SNRNP48: variants seen among roughly 807,000 people sequenced by gnomAD.
The protein encoded by SNRNP48 is small nuclear ribonucleoprotein U11/U12 subunit 48, also known as U11/U12 small nuclear ribonucleoprotein 48 kDa protein.
SNRNP48 carries 43 observed loss-of-function variants against 47.0 expected under a neutral mutation model. The ratio of observed to expected loss-of-function variants is 0.92; its 90% CI spans 0.72 to 1.18. SNRNP48 has a LOEUF of 1.18. Ranked by LOEUF, SNRNP48 falls within the 50% of genes most tolerant of loss-of-function variation. The pLI is 0.00. For synonymous variants in SNRNP48, 138 were observed against 144.0 expected (o/e 0.96, Z 0.30); for missense variants, 396 against 422.2 (o/e 0.94, Z 0.54).
chr6:7,608,864 A>G lies in SNRNP48; in HGVS notation c.1011A>G (p.Gln337=). Residue 337 remains glutamine, a synonymous_variant, in exon 9 of 9, where the codon CAA becomes CAG. Coordinates refer to ENST00000342415, the MANE Select transcript of SNRNP48 (RefSeq NM_152551.4). ...ACCATAGTCATAAAAGAAGAAAGCA[A>G]AAAATATAAATGAAGTACTTGTACC... is the stretch of plus-strand genomic sequence containing the variant. ...ERHHSHKRRK[Q]KI The G allele has an allele frequency of 2.0e-6, 3 of 1,509,412 alleles. No individual in the cohort carries two copies. The highest frequency in any genetic ancestry group is 2.7e-6 in the Non-Finnish European group (3 of 1,104,556). 93.5% of individuals were successfully genotyped at this position (1,509,412 alleles called of 1,614,324 possible).
rs2113720285 is a variant in SNRNP48 at position 7,601,534 on chromosome 6, G to T, written c.595+10G>T. 6.5e-7 allele frequency: 1 copy of T among 1,548,014 alleles called. No homozygotes were observed. The highest frequency in any genetic ancestry group is 2.3e-5 in the East Asian group (1 of 42,844). On this transcript the variant is annotated intron_variant, in intron 5 of 8. Transcript: ENST00000342415. ...GCCAAAATCAATCAAGGTTTGAGAT[G>T]CACATCATGGCTTTACATTTCTTCA...
chr6:7,606,196 G>C lies in SNRNP48; in HGVS notation c.971+1G>C. On this transcript the variant is annotated splice_donor_variant, in intron 8 of 8. Transcript: ENST00000342415. LOFTEE classifies it high-confidence loss of function. The stretch of plus-strand genomic sequence containing the variant: ...GTGAGTCGAGAAGAAGGAAAGAGAG[G>C]TGGGTCTAACCCTGCATCATCCAAC... 6.2e-7 allele frequency: 1 copy of C among 1,607,562 alleles called. No individual in the cohort carries two copies. The highest frequency in any genetic ancestry group is 8.5e-7 in the Non-Finnish European group (1 of 1,177,610).
At chr6:7,590,849 G>C (rs983871082) in intron 1 of SNRNP48, among the ~76,000 whole-genome samples, 4 of 152,148 alleles carry the variant, frequency 2.6e-5, no homozygotes, top group African/African-American at 7.2e-5. Context: ...GTGGTGGTGT[G>C]AGCCTGTGGC....
chr6:7,605,514 TACTC>T, intron 7 of SNRNP48, 28 bp downstream of exon 7: 8 of 1,582,142 alleles, frequency 5.1e-6, no homozygotes, highest in Non-Finnish European at 6.9e-6. Context: ...TTGGTGAAAA[TACTC>T]TCTCTTTGAT....
intron 4 of SNRNP48, among the ~76,000 whole-genome samples, chr6:7,596,476 T>G (rs1042011689): frequency 6.6e-6 from 1 of 152,196 alleles, no homozygotes; most frequent in African/African-American, 2.4e-5. Flanking sequence ...CAGGCTGTAG[T>G]CATGGTTGGT....
intron 4 of SNRNP48, among the ~76,000 whole-genome samples, chr6:7,598,115 C>T (rs909007109): frequency 3.3e-5 from 5 of 151,630 alleles, no homozygotes; most frequent in African/African-American, 9.7e-5. Flanking sequence ...GATCTGCCCA[C>T]CTTGGCCTCC....
At chr6:7,591,118 A>AT (rs1187961030) in intron 1 of SNRNP48, among the ~76,000 whole-genome samples, 1 of 152,164 alleles carries the variant, frequency 6.6e-6, no homozygotes, top group African/African-American at 2.4e-5. Context: ...TGTCATACGG[A>AT]TTCCGCAGTT....
rs1247843808 is a variant in SNRNP48, at chr6:7,611,660, GA to G, written c.*2789del. On this transcript the variant is annotated 3_prime_UTR_variant, in exon 9 of 9. Transcript: ENST00000342415. ...AGTGAAAATATCTTAAATGCATTGA[GA>G]ATATTTTCTAATTACCTGTGTATGC... 6.6e-6 allele frequency: 1 copy of G among 152,152 alleles called. No homozygotes were observed. The highest frequency in any genetic ancestry group is 2.4e-5 in the African/African-American group (1 of 41,422). 9.4% of individuals were successfully genotyped at this position (152,152 alleles called of 1,614,324 possible). A position where few individuals can be genotyped will look rare whatever the true frequency, so the allele number is the denominator to read the frequency against.
intron 5 of SNRNP48, among the ~76,000 whole-genome samples, 175 bp downstream of exon 5, chr6:7,601,699 A>AC (rs1174634439): frequency 6.6e-6 from 1 of 152,138 alleles, no homozygotes; most frequent in East Asian, 1.9e-4. Flanking sequence ...CATCAATTTG[A>AC]CCAACGGTGG....
chr6:7,609,433 G>T lies in SNRNP48; in HGVS notation c.*560G>T, dbSNP rs1760191564. 1 of 152,090 alleles carries T rather than the reference G, an allele frequency of 6.6e-6. No homozygotes were observed. Among genetic ancestry groups the T allele is most frequent in the Non-Finnish European group, 1.5e-5 (1 of 68,010 alleles). The allele number at this position is 152,090 out of a possible 1,614,324, so 9.4% of individuals were successfully genotyped here. A position where few individuals can be genotyped will look rare whatever the true frequency, so the allele number is the denominator to read the frequency against. ...AATAATCTAGATCCATATTAACCTGGATTGGTCTCAAAAACATAATGCTCA... is the reference window on the plus strand; with the variant it reads ...AATAATCTAGATCCATATTAACCTGTATTGGTCTCAAAAACATAATGCTCA... On this transcript the variant is annotated 3_prime_UTR_variant, in exon 9 of 9. Coordinates refer to ENST00000342415, the MANE Select transcript of SNRNP48 (RefSeq NM_152551.4).
At chr6:7,597,234 A>G (rs1229658250) in intron 4 of SNRNP48, among the ~76,000 whole-genome samples, 1 of 152,206 alleles carries the variant, frequency 6.6e-6, no homozygotes, top group Non-Finnish European at 1.5e-5. Flanking sequence ...TTTTGACACA[A>G]ACTCTGAACT....
intron 4 of SNRNP48, chr6:7,599,985 C>CATT (rs1759982643): frequency 1.0e-6 from 1 of 989,234 alleles, no homozygotes; most frequent in Non-Finnish European, 1.2e-6. Context: ...TGTAATACAT[C>CATT]ATTATTTTCT....
chr6:7,602,847 T>C, intron 6 of SNRNP48, 103 bp downstream of exon 6: 1 of 1,117,262 alleles, frequency 9.0e-7, no homozygotes. Context: ...TGAAAGTGTC[T>C]TCAGGGTGGC....
At chr6:7,607,498 C>T (rs975236976) in intron 8 of SNRNP48, among the ~76,000 whole-genome samples, 3 of 152,172 alleles carry the variant, frequency 2.0e-5, no homozygotes, top group African/African-American at 7.2e-5. Context: ...CACATCTATG[C>T]CTTTCCACTT....
At chr6:7,592,458 A>T (rs1453760709) in intron 1 of SNRNP48, among the ~76,000 whole-genome samples, 1 of 151,964 alleles carries the variant, frequency 6.6e-6, no homozygotes, top group Non-Finnish European at 1.5e-5. Flanking sequence ...TTACCTTTTA[A>T]TAAAATAATA....
chr6:7,601,934 A>G (rs542448059), intron 5 of SNRNP48, among the ~76,000 whole-genome samples: 3 of 152,098 alleles, frequency 2.0e-5, no homozygotes, highest in African/African-American at 7.2e-5. Flanking sequence ...GTTCGTTGCA[A>G]TCTCTGCCTC....
intron 4 of SNRNP48, chr6:7,599,625 T>A (rs1581836598): frequency 9.0e-7 from 1 of 1,106,620 alleles, no homozygotes; most frequent in Middle Eastern, 2.4e-4. Context: ...TCCGAATGAA[T>A]TGAATGCAGT....
intron 4 of SNRNP48, among the ~76,000 whole-genome samples, chr6:7,598,170 G>A (rs533793121): frequency 1.6e-3 from 235 of 150,284 alleles, no homozygotes; most frequent in Non-Finnish European, 2.9e-3. Flanking sequence ...CCTGGCCAAC[G>A]GTAACTTTAT....
intron 1 of SNRNP48, among the ~76,000 whole-genome samples, chr6:7,591,870 A>T (rs1254425073): frequency 6.6e-6 from 1 of 152,214 alleles, no homozygotes; most frequent in East Asian, 1.9e-4. Context: ...TTAGTGAACA[A>T]CAGTCCTAGT....
Sources: allele counts gnomAD v4.1 joint callset (sites outside exome capture counted in the v4.1 genomes callset), GRCh38; gene constraint gnomAD v4.1.1; transcripts MANE v1.5; gene names NCBI Gene and HGNC (gene_info 2026-07-23, HGNC 2026-07-21).